NAALADL2: variants seen among roughly 807,000 people sequenced by gnomAD.
NAALADL2 encodes N-acetylated alpha-linked acidic dipeptidase like 2.
NAALADL2 carries 76 observed loss-of-function variants against 87.2 expected under a neutral mutation model. The ratio of observed to expected loss-of-function variants is 0.87; its 90% CI spans 0.72 to 1.05. The LOEUF (loss-of-function observed/expected upper bound fraction) is 1.05, where lower values mean the gene tolerates loss of function less well. NAALADL2 is among the 50% of genes least tolerant of loss of function. NAALADL2 has a pLI of 0.00. For synonymous variants in NAALADL2, 354 were observed against 331.0 expected (o/e 1.07, Z -0.75); for missense variants, 1,089 against 945.8 (o/e 1.15, Z -1.99).
chr3:174,668,595 CG>C (rs1272335254), intron 2 of NAALADL2, among the ~76,000 whole-genome samples: 4 of 152,086 alleles, frequency 2.6e-5, no homozygotes, highest in African/African-American at 7.2e-5. Context: ...CAACGGGCCC[CG>C]GTGTGTGATG....
chr3:175,327,148 C>CTTTTTTTTTTTTTT lies in NAALADL2; in HGVS notation c.1090+2833_1090+2846dup, dbSNP rs35198621. Among the ~76,000 whole-genome samples, 43 of 99,504 alleles carry CTTTTTTTTTTTTTT rather than the reference C, an allele frequency of 4.3e-4. 2 individuals carry two copies. Among genetic ancestry groups the CTTTTTTTTTTTTTT allele is most frequent in the Middle Eastern group, 6.8e-3 (1 of 146 alleles). 65.3% of individuals were successfully genotyped at this position (99,504 alleles called of 152,430 possible). On this transcript the variant is annotated intron_variant, in intron 5 of 13. Coordinates refer to ENST00000454872, the MANE Select transcript of NAALADL2 (RefSeq NM_207015.3). ...CCAGCTTTATCAACTGTCTACATTT[C>CTTTTTTTTTTTTTT]TTTTTTTTTTTTTTTTTTTTTTTCT...
intron 1 of NAALADL2, among the ~76,000 whole-genome samples, chr3:175,000,876 TAGAG>T (rs1748135259): frequency 6.6e-6 from 1 of 152,160 alleles, no homozygotes; most frequent in South Asian, 2.1e-4. Flanking sequence ...AACTTGACCT[TAGAG>T]AGGCCAAGTG....
At chr3:174,660,567 C>A (rs536448567) in intron 2 of NAALADL2, among the ~76,000 whole-genome samples, 2 of 152,218 alleles carry the variant, frequency 1.3e-5, no homozygotes, top group South Asian at 4.1e-4. Flanking sequence ...TAACAATATG[C>A]TGCATCTCTG....
rs376202129 is a variant in NAALADL2 at position 175,459,406 on chromosome 3, A to G, written c.1235-3995A>G. Among the ~76,000 whole-genome samples the G allele has an allele frequency of 7.3e-4, 111 of 152,160 alleles. 2 individuals are homozygous for G. In the South Asian group the frequency reaches 0.022, roughly 30 times the overall value. On this transcript the variant is annotated intron_variant, in intron 6 of 13. Coordinates refer to ENST00000454872, the MANE Select transcript of NAALADL2 (RefSeq NM_207015.3). ...AAGATCAGATTGACCTTCTAGATCC[A>G]GAGAGGCGTAGAAAAGGATAAATAG...
chr3:174,980,826 ATAT>A, intron 1 of NAALADL2, among the ~76,000 whole-genome samples: 1 of 54,596 alleles, frequency 1.8e-5, no homozygotes, highest in South Asian at 4.6e-4. Context: ...ATTTAGTATG[ATAT>A]ATGTCTTATA....
At chr3:175,613,814 T>C (rs1724979821) in intron 10 of NAALADL2, among the ~76,000 whole-genome samples, 1 of 152,230 alleles carries the variant, frequency 6.6e-6, no homozygotes, top group South Asian at 2.1e-4. Flanking sequence ...TGAGCTACTA[T>C]TACAATGTAT....
At chr3:175,022,902 T>C (rs1751742787) in intron 1 of NAALADL2, among the ~76,000 whole-genome samples, 1 of 152,150 alleles carries the variant, frequency 6.6e-6, no homozygotes, top group Non-Finnish European at 1.5e-5. Context: ...ACCCTGGGGA[T>C]ACAAAGATGA....
chr3:174,731,173 CTTGA>C (rs1483393277), intron 2 of NAALADL2, among the ~76,000 whole-genome samples: 2 of 152,056 alleles, frequency 1.3e-5, no homozygotes, highest in African/African-American at 2.4e-5. Flanking sequence ...GGAACAAATG[CTTGA>C]TTATCAGAGT....
intron 13 of NAALADL2, among the ~76,000 whole-genome samples, chr3:175,774,707 A>G (rs965225280): frequency 6.6e-6 from 1 of 152,106 alleles, no homozygotes; most frequent in Non-Finnish European, 1.5e-5. Context: ...ATGTGTGGCT[A>G]CTGATAATAT....
chr3:174,761,054 C>G (rs1712876219), intron 3 of NAALADL2, among the ~76,000 whole-genome samples: 1 of 152,158 alleles, frequency 6.6e-6, no homozygotes, highest in Non-Finnish European at 1.5e-5. Flanking sequence ...ACCTCAGATC[C>G]AAAATCACTT....
chr3:174,742,858 A>G (rs2109014458), intron 3 of NAALADL2, among the ~76,000 whole-genome samples: 1 of 151,848 alleles, frequency 6.6e-6, no homozygotes, highest in East Asian at 1.9e-4. Context: ...TAAATACAAA[A>G]GGACTGTTAT....
At chr3:174,455,044 G>A (rs1352077465) in intron 1 of NAALADL2, among the ~76,000 whole-genome samples, 1 of 151,118 alleles carries the variant, frequency 6.6e-6, no homozygotes. Flanking sequence ...ATGACAGAGG[G>A]GATATTACTG....
At chr3:174,879,963 G>A (rs1728993385) in intron 1 of NAALADL2, among the ~76,000 whole-genome samples, 1 of 151,872 alleles carries the variant, frequency 6.6e-6, no homozygotes, top group Non-Finnish European at 1.5e-5. Context: ...CTGGTCTTCG[G>A]GTACTGTGCT....
chr3:175,769,939 A>G (rs907567529), intron 13 of NAALADL2, among the ~76,000 whole-genome samples: 6 of 151,866 alleles, frequency 4.0e-5, no homozygotes, highest in African/African-American at 1.2e-4. Flanking sequence ...TGTTATATTA[A>G]TAGTCTAAGG....
chr3:175,679,459 A>G (rs1222124035), intron 11 of NAALADL2, among the ~76,000 whole-genome samples: 1 of 152,158 alleles, frequency 6.6e-6, no homozygotes, highest in Admixed American at 6.5e-5. Flanking sequence ...TTACAGCAAT[A>G]AAATGTGATT....
At chr3:174,785,865 A>C (rs1236595330) in intron 3 of NAALADL2, among the ~76,000 whole-genome samples, 1 of 152,122 alleles carries the variant, frequency 6.6e-6, no homozygotes, top group Non-Finnish European at 1.5e-5. Context: ...CTATTTTCTT[A>C]TTCAAGTTTG....
intron 2 of NAALADL2, among the ~76,000 whole-genome samples, chr3:174,680,845 C>A (rs1347446078): frequency 6.6e-6 from 1 of 152,164 alleles, no homozygotes; most frequent in Non-Finnish European, 1.5e-5. Flanking sequence ...ACTATACATA[C>A]AAATAAATAC....
chr3:175,668,355 T>G (rs1284996232), intron 11 of NAALADL2, among the ~76,000 whole-genome samples: 1 of 152,130 alleles, frequency 6.6e-6, no homozygotes, highest in African/African-American at 2.4e-5. Flanking sequence ...CTATTGTTTA[T>G]TATGATAACC....
In NAALADL2 at chr3:175,765,302, T is replaced by G. The variant is rs201691012; in HGVS notation, c.2189+9884T>G. Among the ~76,000 whole-genome samples the G allele has an allele frequency of 3.9e-5, 6 of 152,242 alleles. No individual in the cohort carries two copies. In the East Asian group the frequency reaches 7.7e-4, roughly 20 times the overall value. On this transcript the variant is annotated intron_variant, in intron 13 of 13. Coordinates refer to ENST00000454872, the MANE Select transcript of NAALADL2 (RefSeq NM_207015.3). ...ATAAATACATACACTAGTTTTATAA[T>G]TATGTGTCCCTTTAATATTTTTAAA...
Sources: allele counts gnomAD v4.1 joint callset (sites outside exome capture counted in the v4.1 genomes callset), GRCh38; gene constraint gnomAD v4.1.1; transcripts MANE v1.5; gene names NCBI Gene and HGNC (gene_info 2026-07-23, HGNC 2026-07-21).